TRIO: variants seen among roughly 807,000 people sequenced by gnomAD.
TRIO encodes the protein triple functional domain protein.
Under a neutral mutation model 351.9 loss-of-function variants are expected in TRIO, and 58 were observed. That is an observed-to-expected ratio of 0.16 (90% CI 0.13 to 0.21). The LOEUF (loss-of-function observed/expected upper bound fraction) is 0.21, where lower values mean the gene tolerates loss of function less well. Ranked by LOEUF, TRIO falls within the 10% of genes least tolerant of loss-of-function variation. The pLI is 1.00. For missense variants in TRIO, 3,201 were observed against 4,027.8 expected, an observed-to-expected ratio of 0.79 and a Z score of 5.56; for synonymous variants, 1,758 against 1,595.7, an observed-to-expected ratio of 1.10 and a Z score of -2.42.
chr5:14,369,481 C>T lies in TRIO; in HGVS notation c.3174C>T (p.Pro1058=), dbSNP rs1439419222. ...GPNSETDHVT[P]MISKHLEQKE... is the part of the protein sequence containing the mutation. ...ACTCTGAGACGGACCACGTGACGCC[C>T]ATGATCAGCAAGCACCTGGAGCAGA... Residue 1058 remains proline (P), a synonymous_variant, in exon 18 of 57, where the codon CCC becomes CCT. Coordinates refer to ENST00000344204, the MANE Select transcript of TRIO (RefSeq NM_007118.4). The T allele has an allele frequency of 6.2e-7, 1 of 1,613,990 alleles. No homozygotes were observed. Among genetic ancestry groups the T allele is most frequent in the African/African-American group, 1.3e-5 (1 of 74,926 alleles).
In TRIO at chr5:14,369,487, C is replaced by G. The variant is rs776163909; in HGVS notation, c.3180C>G (p.Ile1060Met). 6.2e-7 allele frequency: 1 copy of G among 1,614,018 alleles called. No homozygotes were observed. The highest frequency in any genetic ancestry group is 1.3e-5 in the African/African-American group (1 of 74,942). The change falls in exon 18 of 57, where the codon ATC becomes ATG. Residue 1060 changes from isoleucine to methionine, a missense_variant. Physicochemically the swap from Ile to Met is conservative, Grantham distance 10. Coordinates refer to ENST00000344204, the MANE Select transcript of TRIO (RefSeq NM_007118.4). The part of the protein sequence containing the change: ...NSETDHVTPM[I>M]SKHLEQKEAF... ...AGACGGACCACGTGACGCCCATGAT[C>G]AGCAAGCACCTGGAGCAGAAGGAGG...
intron 2 of TRIO, among the ~76,000 whole-genome samples, chr5:14,276,480 G>T (rs1735531498): frequency 6.6e-6 from 1 of 152,266 alleles, no homozygotes; most frequent in South Asian, 2.1e-4. Context: ...TTTTAACAGA[G>T]TTGTATTATT....
chr5:14,472,963 A>G (rs1377477742), intron 39 of TRIO, among the ~76,000 whole-genome samples: 2 of 152,240 alleles, frequency 1.3e-5, no homozygotes. Context: ...AGTATACTGT[A>G]GTTAGTAGAC....
At chr5:14,382,075 C>G (rs1746154911) in intron 21 of TRIO, among the ~76,000 whole-genome samples, 1 of 152,064 alleles carries the variant, frequency 6.6e-6, no homozygotes, top group South Asian at 2.1e-4. Flanking sequence ...TTCTGAAGTG[C>G]CTCTATTGTT....
intron 34 of TRIO, among the ~76,000 whole-genome samples, chr5:14,443,139 A>C (rs570795546): frequency 1.1e-4 from 16 of 152,188 alleles, no homozygotes; most frequent in East Asian, 3.9e-4. Flanking sequence ...GTTTCTCTCT[A>C]TATATTTTTG....
At chr5:14,205,863 GCTGGAATTACAGGCCCGTGCCAC>G (rs1362386085) in intron 1 of TRIO, among the ~76,000 whole-genome samples, 1 of 151,658 alleles carries the variant, frequency 6.6e-6, no homozygotes, top group Non-Finnish European at 1.5e-5. Flanking sequence ...CTCCCGAATA[GCTGGAATTACAGGCCCGTGCCAC>G]CACACCCGGC....
chr5:14,228,214 A>G (rs994471538), intron 1 of TRIO, among the ~76,000 whole-genome samples: 1 of 152,208 alleles, frequency 6.6e-6, no homozygotes, highest in Non-Finnish European at 1.5e-5. Flanking sequence ...GTGTATTTTA[A>G]TGCAGTGTTC....
Position 14,168,168 on chromosome 5 carries a change from TACTC to T in TRIO, c.157+24289_157+24292del, listed in dbSNP as rs569839761. The stretch of plus-strand genomic sequence containing the variant: ...AAATGGCGGTGTTCACAGGTGTAAA[TACTC>T]ACAGCCTCACACTCAAGTGTGTCAT... On this transcript the variant is annotated intron_variant, in intron 1 of 56. Transcript: ENST00000344204. 2.1e-3 allele frequency among the ~76,000 whole-genome samples: 327 copies of T among 152,344 alleles called. 1 individual carries two copies. Among genetic ancestry groups the T allele is most frequent in the Non-Finnish European group, 3.7e-3 (251 of 68,038 alleles).
rs561989778 is a variant in TRIO, at chr5:14,481,348, G to T, written c.6387+64G>T. On this transcript the variant is annotated intron_variant, in intron 44 of 56. Transcript: ENST00000344204. ...CAGCCTCTTTTCCTAATCCCCAAGT[G>T]TCTCCTAACAGTGGTCTGGCCCTGG... 38 of 1,598,806 alleles carry T rather than the reference G, an allele frequency of 2.4e-5. No individual in the cohort carries two copies. In the East Asian group the frequency reaches 8.0e-4, roughly 34 times the overall value.
intron 11 of TRIO, among the ~76,000 whole-genome samples, chr5:14,340,475 A>C (rs1741847438): frequency 6.6e-6 from 1 of 152,124 alleles, no homozygotes; most frequent in Admixed American, 6.5e-5. Flanking sequence ...GAAGTTGCTA[A>C]AGGCTCTCGT....
intron 47 of TRIO, 54 bp downstream of exon 47, chr5:14,485,300 G>T: frequency 6.7e-7 from 1 of 1,489,046 alleles, no homozygotes; most frequent in Non-Finnish European, 9.0e-7. Context: ...GTACTCACTT[G>T]TATTTATCTT....
rs559423327 is a variant in TRIO at position 14,152,288 on chromosome 5, C to T, written c.157+8406C>T. On this transcript the variant is annotated intron_variant, in intron 1 of 56. Coordinates refer to ENST00000344204, the MANE Select transcript of TRIO (RefSeq NM_007118.4). ...TGATGAAAGCTGGCATGCAAGGGAA[C>T]ATTACTAGCTCGAAAAGCAAAACAA... Among the ~76,000 whole-genome samples the T allele has an allele frequency of 1.1e-4, 17 of 152,330 alleles. No individual in the cohort carries two copies. In the East Asian group the frequency reaches 1.5e-3, roughly 14 times the overall value.
chr5:14,377,954 C>A, intron 19 of TRIO, 58 bp from the exon 20 acceptor site: 1 of 1,287,622 alleles, frequency 7.8e-7, no homozygotes, highest in Non-Finnish European at 1.1e-6. Context: ...AATGGAATTT[C>A]GCGGTTGTTT....
In TRIO at chr5:14,368,839, G is replaced by A. The variant is rs767593581; in HGVS notation, c.3006G>A (p.Lys1002=). Residue 1002 remains lysine (K), a synonymous_variant, in exon 17 of 57, where the codon AAG becomes AAA. Coordinates refer to ENST00000344204, the MANE Select transcript of TRIO (RefSeq NM_007118.4). Reference sequence around the variant, plus strand: ...CTCACTGGCAACAGCTCATGCTCAAGATGGAAGATCGCCTCAAGCTCGTCA... The same window carrying A: ...CTCACTGGCAACAGCTCATGCTCAAAATGGAAGATCGCCTCAAGCTCGTCA... The part of the protein sequence containing the change: ...VASHWQQLML[K]MEDRLKLVNA... 2 of 1,614,162 alleles carry A rather than the reference G, an allele frequency of 1.2e-6. No homozygotes were observed. Among genetic ancestry groups the A allele is most frequent in the Admixed American group, 1.7e-5 (1 of 60,026 alleles).
rs61705090 is a variant in TRIO at position 14,432,838 on chromosome 5, G to T, written c.5203+12817G>T. Among the ~76,000 whole-genome samples, 940 of 152,156 alleles carry T rather than the reference G, an allele frequency of 6.2e-3. 13 individuals carry two copies. Among genetic ancestry groups the T allele is most frequent in the African/African-American group, 0.022 (907 of 41,516 alleles). On this transcript the variant is annotated intron_variant, in intron 34 of 56. Transcript: ENST00000344204. ...CAAAATCAGCTGCTTGTTCTCCTTT[G>T]CTCTTCCTTAAAGGAGCTGAAGAAT...
At chr5:14,311,874 G>A (rs1397348091) in intron 8 of TRIO, among the ~76,000 whole-genome samples, 2 of 152,174 alleles carry the variant, frequency 1.3e-5, no homozygotes, top group Non-Finnish European at 2.9e-5. Context: ...CAGGCTAAAT[G>A]TCTTGGTGTA....
chr5:14,500,150 C>A (rs754541673), intron 53 of TRIO, among the ~76,000 whole-genome samples: 4 of 152,106 alleles, frequency 2.6e-5, no homozygotes. Flanking sequence ...CAGCTGCACC[C>A]CTAAAGGTCT....
intron 33 of TRIO, among the ~76,000 whole-genome samples, chr5:14,407,098 T>C (rs1340763941): frequency 6.6e-6 from 1 of 151,750 alleles, no homozygotes; most frequent in Non-Finnish European, 1.5e-5. Context: ...AAATAAAGAG[T>C]GTTGCTTACA....
chr5:14,451,180 C>T (rs1184791152), intron 34 of TRIO, among the ~76,000 whole-genome samples: 2 of 152,202 alleles, frequency 1.3e-5, no homozygotes, highest in Non-Finnish European at 2.9e-5. Context: ...ATTCAATATG[C>T]ATTGCCCAGG....
Sources: gnomAD v4.1 joint callset for allele counts (sites outside exome capture counted in the v4.1 genomes callset) on GRCh38, gnomAD v4.1.1 for gene constraint, MANE v1.5 for transcripts, NCBI Gene and HGNC (gene_info 2026-07-23, HGNC 2026-07-21) for gene names.